DPP10: variants seen among roughly 807,000 people sequenced by gnomAD.
The protein encoded by DPP10 is inactive dipeptidyl peptidase 10.
Under a neutral mutation model 120.9 loss-of-function variants are expected in DPP10, and 33 were observed. The ratio of observed to expected loss-of-function variants is 0.27; its 90% CI spans 0.21 to 0.37. DPP10 has a LOEUF of 0.37. Ranked by LOEUF, DPP10 falls within the 10% of genes least tolerant of loss-of-function variation. The pLI, the probability that DPP10 is intolerant of heterozygous loss-of-function variation, is 1.00. For missense variants in DPP10, 816 were observed against 942.8 expected, an observed-to-expected ratio of 0.87 and a Z score of 1.76; for synonymous variants, 337 against 326.1, an observed-to-expected ratio of 1.03 and a Z score of -0.36.
chr2:115,411,028 T>C (rs1352648415), intron 3 of DPP10, among the ~76,000 whole-genome samples: 1 of 152,034 alleles, frequency 6.6e-6, no homozygotes, highest in Non-Finnish European at 1.5e-5. Flanking sequence ...TAAATATACA[T>C]AGAAAAGACT....
At chr2:115,690,775 A>G (rs2091273339) in intron 7 of DPP10, among the ~76,000 whole-genome samples, 1 of 152,166 alleles carries the variant, frequency 6.6e-6, no homozygotes, top group Non-Finnish European at 1.5e-5. Context: ...TCAAGGGAAT[A>G]TTGCTCAGGG....
intron 1 of DPP10, among the ~76,000 whole-genome samples, chr2:114,844,800 A>G (rs918800528): frequency 7.9e-5 from 12 of 152,036 alleles, no homozygotes; most frequent in Non-Finnish European, 1.5e-4. Context: ...AAGGACTTCA[A>G]TTCTGGTAAG....
chr2:114,574,521 C>G (rs79291912), intron 1 of DPP10, among the ~76,000 whole-genome samples: 1 of 152,200 alleles, frequency 6.6e-6, no homozygotes, highest in African/African-American at 2.4e-5. Context: ...GGAAAGGTAG[C>G]TGGTTAACAT....
chr2:115,064,583 C>T lies in DPP10; in HGVS notation c.61-244656C>T, dbSNP rs535959045. ...CACCCACCCCTACACACACATATTT[C>T]GGTTGGACATAGGTGGGCACTGACG... On this transcript the variant is annotated intron_variant, in intron 1 of 25. Transcript: ENST00000410059. 101 of 1,160,602 alleles carry T rather than the reference C, an allele frequency of 8.7e-5. No individual in the cohort carries two copies. The South Asian group carries it at 1.0e-3, about 12-fold the overall frequency. 71.9% of individuals were successfully genotyped at this position (1,160,602 alleles called of 1,614,324 possible). A position where few individuals can be genotyped will look rare whatever the true frequency, so the allele number is the denominator to read the frequency against.
intron 1 of DPP10, among the ~76,000 whole-genome samples, chr2:115,307,374 A>T (rs2061400164): frequency 6.6e-6 from 1 of 152,106 alleles, no homozygotes; most frequent in African/African-American, 2.4e-5. Flanking sequence ...ATTTCAGTTT[A>T]TAATTTTTTC....
At chr2:114,976,309 A>C (rs940693792) in intron 1 of DPP10, among the ~76,000 whole-genome samples, 2 of 151,960 alleles carry the variant, frequency 1.3e-5, no homozygotes, top group African/African-American at 2.4e-5. Flanking sequence ...TATAGCTATA[A>C]TTTTTCTATT....
At chr2:115,095,326 T>C (rs1462574699) in intron 1 of DPP10, among the ~76,000 whole-genome samples, 2 of 152,136 alleles carry the variant, frequency 1.3e-5, no homozygotes, top group Non-Finnish European at 2.9e-5. Flanking sequence ...AGGATAGATT[T>C]AGATAGAAGA....
intron 5 of DPP10, among the ~76,000 whole-genome samples, chr2:115,605,894 T>C (rs189914887): frequency 9.7e-4 from 148 of 152,264 alleles, no homozygotes; most frequent in African/African-American, 3.4e-3. Context: ...GTTATGTATC[T>C]GATCCAGATT....
intron 1 of DPP10, among the ~76,000 whole-genome samples, chr2:114,788,872 A>G (rs750622308): frequency 6.6e-6 from 1 of 152,100 alleles, no homozygotes; most frequent in Non-Finnish European, 1.5e-5. Flanking sequence ...ATCCTCTCAC[A>G]TGCTGCCATT....
rs569766340 is a variant in DPP10 at position 115,497,955 on chromosome 2, A to T, written c.272-1555A>T. ...AAACAGATAAAGTTAATGATAAAAAAAAAAGAACCCAATTCCTTTTTAGCT... is the reference window on the plus strand; with the variant it reads ...AAACAGATAAAGTTAATGATAAAAATAAAAGAACCCAATTCCTTTTTAGCT... On this transcript the variant is annotated intron_variant, in intron 3 of 25. Coordinates refer to ENST00000410059, the MANE Select transcript of DPP10 (RefSeq NM_020868.6). 5.9e-5 allele frequency among the ~76,000 whole-genome samples: 9 copies of T among 152,272 alleles called. No individual in the cohort carries two copies. The South Asian group carries it at 1.9e-3, about 32-fold the overall frequency.
chr2:115,486,349 C>G (rs912848862), intron 3 of DPP10, among the ~76,000 whole-genome samples: 1 of 152,118 alleles, frequency 6.6e-6, no homozygotes, highest in Non-Finnish European at 1.5e-5. Context: ...ATAGCTTTAT[C>G]AAAGATGTTG....
At chr2:115,229,889 C>G (rs2057652255) in intron 1 of DPP10, among the ~76,000 whole-genome samples, 1 of 148,080 alleles carries the variant, frequency 6.8e-6, no homozygotes, top group African/African-American at 2.5e-5. Context: ...CTTAGGATAG[C>G]TTTGGCTATT....
chr2:114,537,925 G>T (rs1200106211), intron 1 of DPP10, among the ~76,000 whole-genome samples: 1 of 152,196 alleles, frequency 6.6e-6, no homozygotes. Flanking sequence ...TGGAAGTCTG[G>T]ATCAGTGGTT....
chr2:115,540,093 A>G (rs1177545417), intron 5 of DPP10, among the ~76,000 whole-genome samples: 1 of 151,912 alleles, frequency 6.6e-6, no homozygotes, highest in East Asian at 1.9e-4. Context: ...AATGTAGAAT[A>G]TAATTAGCCA....
At chr2:115,383,646 C>T (rs1008573501) in intron 3 of DPP10, among the ~76,000 whole-genome samples, 6 of 152,140 alleles carry the variant, frequency 3.9e-5, no homozygotes, top group South Asian at 4.2e-4. Flanking sequence ...GTGGATACCT[C>T]TGTTTTGCAC....
intron 5 of DPP10, among the ~76,000 whole-genome samples, chr2:115,598,647 T>C (rs2083132229): frequency 6.6e-6 from 1 of 151,878 alleles, no homozygotes; most frequent in South Asian, 2.1e-4. Flanking sequence ...CATAAATAAT[T>C]TTATAATATT....
intron 1 of DPP10, among the ~76,000 whole-genome samples, chr2:114,737,565 A>G (rs7574829): frequency 0.088 from 13,361 of 152,256 alleles, 652 homozygotes; most frequent in African/African-American, 0.11. Flanking sequence ...ATCAATAGGA[A>G]GCATCCTCCT....
intron 5 of DPP10, among the ~76,000 whole-genome samples, chr2:115,616,127 C>T (rs767525673): frequency 1.2e-4 from 18 of 152,008 alleles, no homozygotes; most frequent in Non-Finnish European, 2.4e-4. Flanking sequence ...CATTTTATTT[C>T]GGCTATGCCA....
At chr2:115,310,884 T>G (rs1458093450) in intron 2 of DPP10, among the ~76,000 whole-genome samples, 1 of 152,228 alleles carries the variant, frequency 6.6e-6, no homozygotes, top group Non-Finnish European at 1.5e-5. Flanking sequence ...TCTTGAACTC[T>G]TTTTCTTTCA....
Sources: allele counts gnomAD v4.1 joint callset (sites outside exome capture counted in the v4.1 genomes callset), GRCh38; gene constraint gnomAD v4.1.1; transcripts MANE v1.5; gene names NCBI Gene and HGNC (gene_info 2026-07-23, HGNC 2026-07-21).